The following DNAJC16 variants were observed in gnomAD, a reference collection of about 807,000 sequenced individuals.
DNAJC16 encodes the protein DnaJ heat shock protein family (Hsp40) member C16.
Under a neutral mutation model 92.7 loss-of-function variants are expected in DNAJC16, and 76 were observed. The observed-to-expected ratio is 0.82, with a 90% CI of 0.68 to 0.99. The LOEUF is 0.99. Ranked by LOEUF, DNAJC16 falls within the 50% of genes least tolerant of loss-of-function variation. The pLI is 0.00. For missense variants in DNAJC16, 869 were observed against 942.4 expected (o/e 0.92, Z 1.02); for synonymous variants, 328 against 358.7 (o/e 0.91, Z 0.97).
chr1:15,566,390 AGAAGGAAAGAAG>A, intron 13 of DNAJC16: 1 of 551,022 alleles, frequency 1.8e-6, no homozygotes, highest in Non-Finnish European at 3.2e-6. Flanking sequence ...TAATGAAGGC[AGAAGGAAAGAAG>A]CCTATCAGGC....
intron 8 of DNAJC16, among the ~76,000 whole-genome samples, chr1:15,561,583 G>T (rs1638692301): frequency 6.6e-6 from 1 of 152,134 alleles, no homozygotes; most frequent in African/African-American, 2.4e-5. Flanking sequence ...TACTTGGGAG[G>T]CTGAGGCAGG....
intron 6 of DNAJC16, 66 bp downstream of exon 6, chr1:15,546,937 CA>C (rs1161413372): frequency 6.1e-6 from 6 of 984,910 alleles, no homozygotes; most frequent in Non-Finnish European, 8.9e-6. Context: ...TTTTTTTTAG[CA>C]GAAAGTAATC....
At chr1:15,540,568 T>C (rs985409690) in intron 4 of DNAJC16, among the ~76,000 whole-genome samples, 1 of 152,132 alleles carries the variant, frequency 6.6e-6, no homozygotes, top group African/African-American at 2.4e-5. Context: ...CACCTCTCCA[T>C]GTCTCAGTTT....
rs777726871 is a variant in DNAJC16 at position 15,569,836 on chromosome 1, G to T, written c.*1659G>T. ...CTAATTTTGTATTTTTAGTAGAGAC[G>T]GGATTTCTCCATGTTGATCAGGCTG... On this transcript the variant is annotated 3_prime_UTR_variant, in exon 15 of 15. Coordinates refer to ENST00000375847, the MANE Select transcript of DNAJC16 (RefSeq NM_015291.4). The T allele has an allele frequency of 6.6e-6, 1 of 151,874 alleles. No individual in the cohort carries two copies. The highest frequency in any genetic ancestry group is 1.5e-5 in the Non-Finnish European group (1 of 68,010). The allele number at this position is 151,874 out of a possible 1,614,324, so 9.4% of individuals were successfully genotyped here.
intron 6 of DNAJC16, among the ~76,000 whole-genome samples, chr1:15,547,253 T>C (rs1230615864): frequency 6.6e-6 from 1 of 151,430 alleles, no homozygotes; most frequent in African/African-American, 2.4e-5. Flanking sequence ...GTTCAAGCGA[T>C]TCTTCTGCCT....
At chr1:15,532,874 T>C (rs1340032234) in intron 2 of DNAJC16, among the ~76,000 whole-genome samples, 1 of 152,240 alleles carries the variant, frequency 6.6e-6, no homozygotes, top group Non-Finnish European at 1.5e-5. Context: ...AATTTGGAGT[T>C]TCCTTATTTG....
At chr1:15,553,325 C>G (rs1638491561) in intron 7 of DNAJC16, among the ~76,000 whole-genome samples, 1 of 152,018 alleles carries the variant, frequency 6.6e-6, no homozygotes, top group African/African-American at 2.4e-5. Flanking sequence ...ACCTCCGCCT[C>G]CCGGGTTCAA....
chr1:15,530,033 A>G (rs1710617869), intron 2 of DNAJC16, among the ~76,000 whole-genome samples: 1 of 152,048 alleles, frequency 6.6e-6, no homozygotes, highest in Non-Finnish European at 1.5e-5. Context: ...ATATTTTTGA[A>G]TATTTCAAAA....
rs1385355358 is a variant in DNAJC16, at chr1:15,559,602, G to A, written c.1100G>A (p.Ser367Asn). 2 of 1,614,054 alleles carry A rather than the reference G, an allele frequency of 1.2e-6. No individual in the cohort carries two copies. Among genetic ancestry groups the A allele is most frequent in the Admixed American group, 3.3e-5 (2 of 60,006 alleles). Reference sequence around the variant, plus strand: ...TATCTATTGGCAGCCAGGCTCACCAGCCAGAAGTTGTTCCATGAACTCTGC... The same window carrying A: ...TATCTATTGGCAGCCAGGCTCACCAACCAGAAGTTGTTCCATGAACTCTGC... ...NKYLLAARLTSQKLFHELCPV... is the reference protein window; with the variant it reads ...NKYLLAARLTNQKLFHELCPV... Residue 367 changes from serine to asparagine, a missense_variant, in exon 8 of 15, where the codon AGC (serine) becomes AAC (asparagine). Coordinates refer to ENST00000375847, the MANE Select transcript of DNAJC16 (RefSeq NM_015291.4).
chr1:15,543,805 G>C (rs921699554), intron 4 of DNAJC16, among the ~76,000 whole-genome samples: 2 of 152,150 alleles, frequency 1.3e-5, no homozygotes, highest in African/African-American at 4.8e-5. Context: ...CCGACAGATT[G>C]GATGTGGGGT....
Position 15,565,961 on chromosome 1 carries a change from C to T in DNAJC16, c.1641C>T (p.Leu547=), listed in dbSNP as rs1638796048. The T allele has an allele frequency of 1.2e-6, 2 of 1,613,704 alleles. No individual in the cohort carries two copies. The highest frequency in any genetic ancestry group is 1.7e-6 in the Non-Finnish European group (2 of 1,179,978). ...TGCTGTCCCTGATCTTCTCTGCCCTCTTCATCCTCTTCGGCACTGTCATCG... is the reference window on the plus strand; with the variant it reads ...TGCTGTCCCTGATCTTCTCTGCCCTTTTCATCCTCTTCGGCACTGTCATCG... The part of the protein sequence containing the change: ...MPLLSLIFSA[L]FILFGTVIVQ... Residue 547 remains leucine, a synonymous_variant, in exon 12 of 15, where the codon CTC becomes CTT. Coordinates refer to ENST00000375847, the MANE Select transcript of DNAJC16 (RefSeq NM_015291.4).
At chr1:15,540,336 G>A (rs1247752671) in intron 4 of DNAJC16, among the ~76,000 whole-genome samples, 1 of 151,634 alleles carries the variant, frequency 6.6e-6, no homozygotes, top group Non-Finnish European at 1.5e-5. Context: ...AAAAAAAAAA[G>A]AAAAGAAAAA....
chr1:15,534,395 GTTCCC>G, intron 3 of DNAJC16, 92 bp downstream of exon 3: 3 of 1,310,618 alleles, frequency 2.3e-6, no homozygotes, highest in Non-Finnish European at 3.2e-6. Flanking sequence ...GAAAGGTCAT[GTTCCC>G]CATGCCCTTG....
intron 3 of DNAJC16, among the ~76,000 whole-genome samples, chr1:15,535,931 A>AT (rs112722089): frequency 4.1e-4 from 58 of 141,450 alleles, no homozygotes; most frequent in African/African-American, 8.3e-4. Flanking sequence ...TGCCTGGCCG[A>AT]TTTTTTTTTT....
At chr1:15,540,978 G>A (rs1157300804) in intron 4 of DNAJC16, among the ~76,000 whole-genome samples, 1 of 152,120 alleles carries the variant, frequency 6.6e-6, no homozygotes, top group Non-Finnish European at 1.5e-5. Context: ...CAGGCTTTGT[G>A]GTCAGCTAGA....
intron 6 of DNAJC16, among the ~76,000 whole-genome samples, chr1:15,547,389 A>G (rs112399749): frequency 0.012 from 1,722 of 144,970 alleles, 40 homozygotes; most frequent in African/African-American, 0.041. Flanking sequence ...CTTGTGACCC[A>G]CCTGCCTCAG....
At chr1:15,548,497 C>G (rs1638365828) in intron 7 of DNAJC16, 69 bp downstream of exon 7, 2 of 1,436,718 alleles carry the variant, frequency 1.4e-6, no homozygotes, top group South Asian at 3.0e-5. Context: ...AAATAAACAG[C>G]AAAATTGAAC....
chr1:15,543,711 T>C (rs1477811565), intron 4 of DNAJC16, among the ~76,000 whole-genome samples: 1 of 152,180 alleles, frequency 6.6e-6, no homozygotes, highest in African/African-American at 2.4e-5. Flanking sequence ...GAGATAATGA[T>C]GACTCAGAGC....
At chr1:15,527,499 C>T (rs141063274) in intron 1 of DNAJC16, among the ~76,000 whole-genome samples, 1 of 152,276 alleles carries the variant, frequency 6.6e-6, no homozygotes, top group East Asian at 1.9e-4. Flanking sequence ...AGTATTCATT[C>T]CCATTTTATG....
Sources: gnomAD v4.1 joint callset for allele counts (sites outside exome capture counted in the v4.1 genomes callset) on GRCh38, gnomAD v4.1.1 for gene constraint, MANE v1.5 for transcripts, NCBI Gene and HGNC (gene_info 2026-07-23, HGNC 2026-07-21) for gene names.